The following NACA2 variants were observed in gnomAD, a reference collection of about 807,000 sequenced individuals.
NACA2 encodes nascent polypeptide associated complex subunit alpha 2.
Under a neutral mutation model 15.6 loss-of-function variants are expected in NACA2, and 9 were observed. That is an observed-to-expected ratio of 0.58 (90% confidence interval 0.35 to 1.00). The LOEUF (loss-of-function observed/expected upper bound fraction) is 1.00, where lower values mean the gene tolerates loss of function less well. Among genes scored for constraint, NACA2 ranks in the 50% least tolerant of loss-of-function variants. The pLI, the probability that NACA2 is intolerant of heterozygous loss-of-function variation, is 0.02. For missense variants in NACA2, 258 were observed against 257.5 expected, an observed-to-expected ratio of 1.00 and a Z score of -0.01; for synonymous variants, 111 against 100.5, an observed-to-expected ratio of 1.10 and a Z score of -0.62.
At position 61,590,730 on chromosome 17, in the gene NACA2, C is replaced by T. The variant is rs148387940; in HGVS notation, c.451G>A (p.Gly151Arg). Residue 151 changes from glycine to arginine, a missense_variant, in exon 1 of 1, where the codon GGA (glycine) becomes AGA (arginine). Transcript: ENST00000521764. The stretch of plus-strand genomic sequence containing the variant: ...GTCTGTGTGTTTTCTTGAATGTTTC[C>T]GACAGCTTCACCTTGAACTCTGAAT... ...EKFRVQGEAV[G>R]NIQENTQTPT... The T allele has an allele frequency of 1.7e-4, 275 of 1,614,108 alleles. 6 individuals carry two copies. The African/African-American group carries it at 2.7e-3, about 16-fold the overall frequency.
At position 61,590,726 on chromosome 17, in the gene NACA2, T is replaced by C; in HGVS notation, c.455A>G (p.Asn152Ser). ...TGGAGTCTGTGTGTTTTCTTGAATG[T>C]TTCCGACAGCTTCACCTTGAACTCT... ...KFRVQGEAVGNIQENTQTPTV... is the reference protein window; with the variant it reads ...KFRVQGEAVGSIQENTQTPTV... The change falls in exon 1 of 1, where the codon AAC (asparagine) becomes AGC (serine). Residue 152 changes from asparagine (N) to serine (S), a missense_variant. Physicochemically the swap from Asn to Ser is conservative, Grantham distance 46. Transcript: ENST00000521764. The C allele has an allele frequency of 6.2e-7, 1 of 1,614,194 alleles. No homozygotes were observed. The highest frequency in any genetic ancestry group is 8.5e-7 in the Non-Finnish European group (1 of 1,180,030).
In NACA2 at chr17:61,591,046, C is replaced by A. The variant is rs748498684; in HGVS notation, c.135G>T (p.Gln45His). Reference sequence around the variant, plus strand: ...CCAGCCAGGCTTTTTGTGTGGTGGTCTGGGTGGAATCCTGTTCTTCAATCC... The same window carrying A: ...CCAGCCAGGCTTTTTGTGTGGTGGTATGGGTGGAATCCTGTTCTTCAATCC... ...VPGIEEQDST[Q>H]TTTQKAWLVA... is the part of the protein sequence containing the mutation. The change falls in exon 1 of 1, where the codon CAG (glutamine) becomes CAT (histidine). Residue 45 changes from glutamine (Q) to histidine (H), a missense_variant. Physicochemically the swap from Gln to His is conservative, Grantham distance 24. Coordinates refer to ENST00000521764, the MANE Select transcript of NACA2 (RefSeq NM_199290.4). 2.5e-6 allele frequency: 4 copies of A among 1,614,228 alleles called. No homozygotes were observed. In the South Asian group the frequency reaches 4.4e-5, roughly 18 times the overall value.
Position 61,591,188 on chromosome 17 carries a change from A to C in NACA2, c.-8T>G, listed in dbSNP as rs975290377. 2.5e-6 allele frequency: 4 copies of C among 1,614,076 alleles called. No individual in the cohort carries two copies. Among genetic ancestry groups the C allele is most frequent in the Non-Finnish European group, 2.5e-6 (3 of 1,180,058 alleles). ...TGTGGCTTCGCCCGGCATTTTGTGC[A>C]GGGAACGCGGAAGCAAGATGGCGGC... On this transcript the variant is annotated 5_prime_UTR_variant, in exon 1 of 1. Transcript: ENST00000521764.
Sources: allele counts gnomAD v4.1 joint callset, GRCh38; gene constraint gnomAD v4.1.1; transcripts MANE v1.5; gene names NCBI Gene and HGNC (gene_info 2026-07-23, HGNC 2026-07-21).